Variants in GMDS observed in about 807,000 individuals in gnomAD.
GMDS encodes GDP-mannose 4,6-dehydratase, also known as GDP-mannose 4,6 dehydratase.
A neutral mutation model predicts 49.9 loss-of-function variants in GMDS; 20 were observed. That is an observed-to-expected ratio of 0.40 (90% CI 0.28 to 0.58). GMDS has a LOEUF of 0.58. Among genes scored for constraint, GMDS ranks in the 20% least tolerant of loss-of-function variants. The pLI, the probability that GMDS is intolerant of heterozygous loss-of-function variation, is 0.42. For missense variants in GMDS, 362 were observed against 481.4 expected, an observed-to-expected ratio of 0.75 and a Z score of 2.32; for synonymous variants, 177 against 178.6, an observed-to-expected ratio of 0.99 and a Z score of 0.07.
At chr6:2,227,848 C>T (rs1489235609) in intron 1 of GMDS, among the ~76,000 whole-genome samples, 2 of 152,190 alleles carry the variant, frequency 1.3e-5, no homozygotes, top group Non-Finnish European at 2.9e-5. Context: ...CCCTTGCTGT[C>T]CAGACATAGG....
chr6:1,676,582 G>C (rs1764633356), intron 9 of GMDS, among the ~76,000 whole-genome samples: 1 of 152,152 alleles, frequency 6.6e-6, no homozygotes, highest in African/African-American at 2.4e-5. Flanking sequence ...TACCAAAACA[G>C]AGATATAGAC....
intron 7 of GMDS, among the ~76,000 whole-genome samples, chr6:1,776,931 C>T (rs1768861645): frequency 6.6e-6 from 1 of 152,170 alleles, no homozygotes; most frequent in Non-Finnish European, 1.5e-5. Context: ...TGGCCCAAAC[C>T]TCATCAACTA....
At chr6:1,982,983 A>G (rs1429514806) in intron 4 of GMDS, among the ~76,000 whole-genome samples, 4 of 152,204 alleles carry the variant, frequency 2.6e-5, no homozygotes, top group Admixed American at 2.6e-4. Context: ...AAACTACACT[A>G]CAAGGCTACA....
intron 1 of GMDS, among the ~76,000 whole-genome samples, chr6:2,202,108 T>C (rs996543142): frequency 2.9e-5 from 4 of 139,124 alleles, no homozygotes; most frequent in Admixed American, 7.2e-5. Flanking sequence ...ACATCCGAGA[T>C]GTAACCATCT....
Position 1,718,296 on chromosome 6 carries a change from C to T in GMDS, c.987+8120G>A, listed in dbSNP as rs735958. ...CCCTCATTTTGCAGCACAGATATCC[C>T]GAAGGCACCGGGAGTGTGACGGAAC... On this transcript the variant is annotated intron_variant, in intron 9 of 10. Coordinates refer to ENST00000380815, the MANE Select transcript of GMDS (RefSeq NM_001500.4). Among the ~76,000 whole-genome samples the T allele has an allele frequency of 4.5e-4, 69 of 152,260 alleles. No individual in the cohort carries two copies. In the East Asian group the frequency reaches 0.013, roughly 28 times the overall value.
At chr6:1,649,807 AC>A (rs1763595315) in intron 9 of GMDS, among the ~76,000 whole-genome samples, 1 of 152,146 alleles carries the variant, frequency 6.6e-6, no homozygotes, top group Non-Finnish European at 1.5e-5. Flanking sequence ...CTTCGAAGAC[AC>A]CCCTTAGATA....
At position 1,641,704 on chromosome 6, in the gene GMDS, TTCTCTCTCTCTC is replaced by T. The variant is rs67714741; in HGVS notation, c.988-17176_988-17165del. Among the ~76,000 whole-genome samples, 19 of 147,968 alleles carry T rather than the reference TTCTCTCTCTCTC, an allele frequency of 1.3e-4. No individual in the cohort carries two copies. The South Asian group carries it at 1.3e-3, about 10-fold the overall frequency. On this transcript the variant is annotated intron_variant, in intron 9 of 10. Transcript: ENST00000380815. ...GTACAGCTCGCGTCTCTCGGATGAT[TTCTCTCTCTCTC>T]TCTCTCTCTCTCTCTCTTTTCTATC... is the stretch of plus-strand genomic sequence containing the variant.
At chr6:2,171,903 A>G (rs1321765329) in intron 1 of GMDS, among the ~76,000 whole-genome samples, 3 of 152,254 alleles carry the variant, frequency 2.0e-5, no homozygotes, top group Non-Finnish European at 4.4e-5. Context: ...ACTTAAATGC[A>G]TACAGAGAGC....
intron 7 of GMDS, among the ~76,000 whole-genome samples, chr6:1,782,762 G>A (rs745758940): frequency 6.6e-6 from 1 of 152,212 alleles, no homozygotes; most frequent in Non-Finnish European, 1.5e-5. Context: ...TTGACTAAAT[G>A]TCCACTGTGG....
chr6:1,900,047 C>T (rs994162194), intron 7 of GMDS, among the ~76,000 whole-genome samples: 2 of 152,252 alleles, frequency 1.3e-5, no homozygotes, highest in Non-Finnish European at 2.9e-5. Flanking sequence ...CATCTGCCTA[C>T]ACACTCTGAG....
chr6:1,651,246 C>T (rs930646780), intron 9 of GMDS, among the ~76,000 whole-genome samples: 11 of 152,218 alleles, frequency 7.2e-5, no homozygotes, highest in Admixed American at 1.3e-4. Flanking sequence ...TCAGCTCACA[C>T]CCATCATGCT....
intron 4 of GMDS, among the ~76,000 whole-genome samples, chr6:2,026,599 T>C (rs1170030597): frequency 6.6e-6 from 1 of 152,242 alleles, no homozygotes; most frequent in Non-Finnish European, 1.5e-5. Flanking sequence ...AATTTGTACA[T>C]GTTATCAGAA....
chr6:2,164,618 C>T (rs1777569501), intron 1 of GMDS, among the ~76,000 whole-genome samples: 1 of 152,204 alleles, frequency 6.6e-6, no homozygotes, highest in African/African-American at 2.4e-5. Flanking sequence ...TCCCACACAT[C>T]CCCATCCCAA....
At chr6:1,931,293 C>T (rs1581381066) in intron 6 of GMDS, among the ~76,000 whole-genome samples, 1 of 152,184 alleles carries the variant, frequency 6.6e-6, no homozygotes, top group East Asian at 1.9e-4. Context: ...AGAGCTGGCA[C>T]AGGGATAAGG....
rs1191092295 is a variant in GMDS at position 2,191,407 on chromosome 6, C to A, written c.102+53914G>T. Among the ~76,000 whole-genome samples the A allele has an allele frequency of 6.6e-6, 1 of 152,156 alleles. No individual in the cohort carries two copies. The highest frequency in any genetic ancestry group is 6.5e-5 in the Admixed American group (1 of 15,286). On this transcript the variant is annotated intron_variant, in intron 1 of 10. Transcript: ENST00000380815. This position sits in a 1 kb window ranked among gnomAD's most constrained non-coding sequence, Gnocchi z 4.6. Reference sequence around the variant, plus strand: ...AAGGGGGCACAGCTGGGACTTCCCGCTTCATGGAACCGGGAGCCAGGAGCA... The same window carrying A: ...AAGGGGGCACAGCTGGGACTTCCCGATTCATGGAACCGGGAGCCAGGAGCA...
At chr6:2,234,478 G>C (rs58293870) in intron 1 of GMDS, among the ~76,000 whole-genome samples, 247 of 152,078 alleles carry the variant, frequency 1.6e-3, no homozygotes, top group African/African-American at 5.5e-3. Context: ...GCATGGTAGC[G>C]GGTGCCTGTA....
chr6:2,104,052 T>G (rs557645860), intron 4 of GMDS, among the ~76,000 whole-genome samples: 2 of 152,356 alleles, frequency 1.3e-5, no homozygotes, highest in African/African-American at 4.8e-5. Context: ...CTTGCTTAAC[T>G]AAAGAGGAGA....
chr6:1,687,369 T>A (rs931725137), intron 9 of GMDS, among the ~76,000 whole-genome samples: 3 of 152,150 alleles, frequency 2.0e-5, no homozygotes, highest in Non-Finnish European at 4.4e-5. Flanking sequence ...GGGAGGAGGA[T>A]GAGGCCAATG....
chr6:1,930,311 C>T, intron 6 of GMDS, 81 bp from the exon 7 acceptor site: 1 of 1,171,554 alleles, frequency 8.5e-7, no homozygotes, highest in Non-Finnish European at 1.2e-6. Flanking sequence ...CCGATTTCGG[C>T]CTCTGGGCAT....
Sources: gnomAD v4.1 joint callset for allele counts (sites outside exome capture counted in the v4.1 genomes callset) on GRCh38, gnomAD v4.1.1 for gene constraint, Gnocchi (gnomAD v3.1) non-coding constraint, MANE v1.5 for transcripts, NCBI Gene and HGNC (gene_info 2026-07-23, HGNC 2026-07-21) for gene names.